SLC35A1: variants seen among roughly 807,000 people sequenced by gnomAD.
SLC35A1 encodes the protein solute carrier family 35 member A1.
In SLC35A1, 21 loss-of-function variants were observed where a neutral mutation model predicts 40.3. That is an observed-to-expected ratio of 0.52 (90% CI 0.37 to 0.75). The LOEUF (loss-of-function observed/expected upper bound fraction) is 0.75, where lower values mean the gene tolerates loss of function less well. Among genes scored for constraint, SLC35A1 ranks in the 30% least tolerant of loss-of-function variants. SLC35A1 has a pLI of 0.00. For missense variants in SLC35A1, 297 were observed against 382.1 expected (o/e 0.78, Z 1.86); for synonymous variants, 146 against 147.3 (o/e 0.99, Z 0.06).
At chr6:87,503,751 AT>A (rs1413886081) in intron 4 of SLC35A1, among the ~76,000 whole-genome samples, 1 of 152,036 alleles carries the variant, frequency 6.6e-6, no homozygotes, top group African/African-American at 2.4e-5. Flanking sequence ...AGTCTGTCAC[AT>A]TTTTTGCCAA....
chr6:87,511,276 CCATCATAAAAAT>C, intron 7 of SLC35A1, 111 bp from the exon 8 acceptor site: 1 of 1,035,388 alleles, frequency 9.7e-7, no homozygotes, highest in Non-Finnish European at 1.5e-6. Flanking sequence ...CTAAACCTTG[CCATCATAAAAAT>C]ATGATCTGAT....
rs1769897956 is a variant in SLC35A1, at chr6:87,500,799, G to A, written c.354+132G>A. ...GTCTCGCTCTTTCGTCTAGGCTGGA[G>A]TGCAGTGACGTGATCTCAGCTCACT... is the stretch of plus-strand genomic sequence containing the variant. On this transcript the variant is annotated intron_variant, in intron 3 of 7. Coordinates refer to ENST00000369552, the MANE Select transcript of SLC35A1 (RefSeq NM_006416.5). 3.5e-6 allele frequency: 3 copies of A among 861,100 alleles called. No homozygotes were observed. The African/African-American group carries it at 5.2e-5, about 15-fold the overall frequency. The allele number at this position is 861,100 out of a possible 1,614,324, so 53.3% of individuals were successfully genotyped here. A position where few individuals can be genotyped will look rare whatever the true frequency, so the allele number is the denominator to read the frequency against.
At chr6:87,485,313 T>C (rs890405357) in intron 2 of SLC35A1, among the ~76,000 whole-genome samples, 2 of 151,366 alleles carry the variant, frequency 1.3e-5, no homozygotes, top group African/African-American at 4.9e-5. Flanking sequence ...AAAATGAAAT[T>C]AGACTTTTTT....
intron 2 of SLC35A1, among the ~76,000 whole-genome samples, chr6:87,493,392 C>G (rs1003126010): frequency 1.1e-4 from 16 of 152,042 alleles, no homozygotes; most frequent in Non-Finnish European, 1.9e-4. Flanking sequence ...AGTATCATTA[C>G]TTTAGACCCT....
intron 2 of SLC35A1, among the ~76,000 whole-genome samples, chr6:87,491,567 A>AT (rs1769554459): frequency 6.6e-6 from 1 of 152,124 alleles, no homozygotes. Flanking sequence ...GTTTACAATA[A>AT]TTTTTTCTCT....
At chr6:87,473,054 CG>C (rs769526855) in intron 1 of SLC35A1, 35 bp downstream of exon 1, 12 of 502,240 alleles carry the variant, frequency 2.4e-5, no homozygotes, top group Admixed American at 8.7e-5. Context: ...GGGGAGTCCG[CG>C]GGGGGCGGCG....
chr6:87,481,241 AC>A, intron 2 of SLC35A1, among the ~76,000 whole-genome samples: 1 of 152,056 alleles, frequency 6.6e-6, no homozygotes, highest in African/African-American at 2.4e-5. Context: ...ACATGGAGAA[AC>A]CTTGTCTCTA....
At chr6:87,476,403 A>G (rs895614483) in intron 1 of SLC35A1, among the ~76,000 whole-genome samples, 2 of 152,160 alleles carry the variant, frequency 1.3e-5, no homozygotes, top group Non-Finnish European at 2.9e-5. Context: ...CTTTGCATCC[A>G]CAAGTTTGTA....
intron 4 of SLC35A1, among the ~76,000 whole-genome samples, chr6:87,505,071 A>AC (rs1222678360): frequency 1.3e-5 from 2 of 151,874 alleles, no homozygotes; most frequent in East Asian, 1.9e-4. Flanking sequence ...TTTCTAACAA[A>AC]CCCCCAGTGG....
intron 2 of SLC35A1, among the ~76,000 whole-genome samples, chr6:87,489,630 C>T (rs540332784): frequency 1.6e-3 from 244 of 150,574 alleles, no homozygotes; most frequent in Non-Finnish European, 2.7e-3. Flanking sequence ...CAACCTCCGC[C>T]TCCAAGGTTC....
intron 2 of SLC35A1, among the ~76,000 whole-genome samples, chr6:87,499,739 TACTG>T (rs1728141007): frequency 6.6e-6 from 1 of 151,678 alleles, no homozygotes; most frequent in African/African-American, 2.4e-5. Context: ...TTATAAATAA[TACTG>T]ACCTGACTCT....
chr6:87,492,545 A>ATTTTTTTTTTTTTTTTT (rs59459204), intron 2 of SLC35A1, among the ~76,000 whole-genome samples: 1 of 115,044 alleles, frequency 8.7e-6, no homozygotes. Flanking sequence ...ATTTATCTTG[A>ATTTTTTTTTTTTTTTTT]TTTTTTTTTT....
chr6:87,501,498 AGAG>A (rs767364692), intron 4 of SLC35A1, among the ~76,000 whole-genome samples, 188 bp downstream of exon 4: 2 of 152,170 alleles, frequency 1.3e-5, no homozygotes, highest in Non-Finnish European at 2.9e-5. Context: ...GTTGTTTCTC[AGAG>A]GAGAATATGC....
chr6:87,475,979 G>A (rs1328899881), intron 1 of SLC35A1, among the ~76,000 whole-genome samples: 3 of 152,084 alleles, frequency 2.0e-5, no homozygotes, highest in Non-Finnish European at 4.4e-5. Context: ...GACAATAGGT[G>A]GGAGGTGGGT....
At chr6:87,480,258 C>T (rs554601356) in intron 2 of SLC35A1, among the ~76,000 whole-genome samples, 1 of 152,268 alleles carries the variant, frequency 6.6e-6, no homozygotes, top group African/African-American at 2.4e-5. Context: ...TGTTGGACTT[C>T]AGGAAATAGC....
intron 7 of SLC35A1, among the ~76,000 whole-genome samples, chr6:87,510,718 T>C (rs962538877): frequency 1.3e-5 from 2 of 151,736 alleles, no homozygotes; most frequent in African/African-American, 4.8e-5. Context: ...CTACTAAAAA[T>C]ACAAAATTGG....
intron 2 of SLC35A1, among the ~76,000 whole-genome samples, chr6:87,489,262 GGGAGGTGT>G (rs1308732001): frequency 7.1e-6 from 1 of 140,036 alleles, no homozygotes; most frequent in African/African-American, 2.7e-5. Flanking sequence ...GGGGTCTAGT[GGGAGGTGT>G]TTAGGTTGTG....
intron 4 of SLC35A1, among the ~76,000 whole-genome samples, chr6:87,504,271 G>GAA (rs1159630556): frequency 6.2e-5 from 6 of 96,800 alleles, no homozygotes; most frequent in Non-Finnish European, 9.4e-5. Flanking sequence ...GTCTCAAAAA[G>GAA]AAAAAAAAAA....
At chr6:87,495,781 G>A (rs1278917749) in intron 2 of SLC35A1, among the ~76,000 whole-genome samples, 2 of 151,528 alleles carry the variant, frequency 1.3e-5, no homozygotes, top group African/African-American at 4.9e-5. Context: ...TCAGCCTCCC[G>A]AGTAGCTGGG....
Sources: gnomAD v4.1 joint callset for allele counts (sites outside exome capture counted in the v4.1 genomes callset) on GRCh38, gnomAD v4.1.1 for gene constraint, MANE v1.5 for transcripts, NCBI Gene and HGNC (gene_info 2026-07-23, HGNC 2026-07-21) for gene names.